The following NFATC2 variants were observed in gnomAD, a reference collection of about 807,000 sequenced individuals.
NFATC2 encodes nuclear factor of activated T-cells, cytoplasmic 2.
Under a neutral mutation model 87.3 loss-of-function variants are expected in NFATC2, and 22 were observed. The observed-to-expected ratio is 0.25, with a 90% CI of 0.18 to 0.36. The LOEUF is 0.36. NFATC2 is among the 10% of genes least tolerant of loss of function. The pLI, the probability that NFATC2 is intolerant of heterozygous loss-of-function variation, is 1.00. For synonymous variants in NFATC2, 565 were observed against 542.2 expected, an observed-to-expected ratio of 1.04 and a Z score of -0.58; for missense variants, 1,149 against 1,259.1, an observed-to-expected ratio of 0.91 and a Z score of 1.32.
chr20:51,499,751 A>AAAAGAAAG (rs1225915429), intron 3 of NFATC2, among the ~76,000 whole-genome samples: 1 of 151,452 alleles, frequency 6.6e-6, no homozygotes, highest in African/African-American at 2.4e-5. Context: ...TAAAAAAAAA[A>AAAAGAAAG]AAAGAAAGAA....
intron 3 of NFATC2, among the ~76,000 whole-genome samples, chr20:51,485,708 C>T (rs954526331): frequency 5.3e-5 from 8 of 152,104 alleles, no homozygotes; most frequent in Admixed American, 3.9e-4. Context: ...CTTTACATCT[C>T]CAGGCCTCAG....
chr20:51,559,601 G>A (rs987265566), intron 1 of NFATC2, among the ~76,000 whole-genome samples: 10 of 152,308 alleles, frequency 6.6e-5, no homozygotes, highest in African/African-American at 2.4e-4. Flanking sequence ...GACCATGATT[G>A]CAGTACTTAT....
Position 51,527,879 on chromosome 20 carries a change from T to C in NFATC2, c.131-3769A>G, listed in dbSNP as rs189341283. ...CGTTTGGGAGACAGAGGTAGGAAGA[T>C]TGCTTGAGGTCAGGAGTTTAAGACC... is the stretch of plus-strand genomic sequence containing the variant. On this transcript the variant is annotated intron_variant, in intron 1 of 10. Coordinates refer to ENST00000371564, the MANE Select transcript of NFATC2 (RefSeq NM_012340.5). Among the ~76,000 whole-genome samples the C allele has an allele frequency of 1.9e-3, 285 of 152,074 alleles. 2 individuals carry two copies. The highest frequency in any genetic ancestry group is 3.8e-4 in the Non-Finnish European group (26 of 67,992).
intron 3 of NFATC2, among the ~76,000 whole-genome samples, chr20:51,504,841 C>T (rs1053555921): frequency 6.6e-6 from 1 of 151,996 alleles, no homozygotes; most frequent in Admixed American, 6.6e-5. Context: ...CCCCTGCAGT[C>T]TTCAAAATAA....
chr20:51,505,601 G>A (rs1007933058), intron 3 of NFATC2, among the ~76,000 whole-genome samples: 1 of 152,102 alleles, frequency 6.6e-6, no homozygotes, highest in Non-Finnish European at 1.5e-5. Context: ...GTGGACTTGA[G>A]AACCACACCG....
intron 9 of NFATC2, among the ~76,000 whole-genome samples, chr20:51,408,515 A>ATT (rs1457309627): frequency 1.9e-4 from 28 of 144,432 alleles, no homozygotes; most frequent in African/African-American, 6.7e-4. Context: ...CTCTTTTTAA[A>ATT]AAAAAAAAAA....
Position 51,403,867 on chromosome 20 carries a change from TTGTTA to T in NFATC2, c.2723-5142_2723-5138del, listed in dbSNP as rs534371087. Among the ~76,000 whole-genome samples, 826 of 152,278 alleles carry T rather than the reference TTGTTA, an allele frequency of 5.4e-3. 7 individuals carry two copies. Among genetic ancestry groups the T allele is most frequent in the African/African-American group, 0.018 (759 of 41,544 alleles). On this transcript the variant is annotated intron_variant, in intron 9 of 10. Coordinates refer to ENST00000371564, the MANE Select transcript of NFATC2 (RefSeq NM_012340.5). Reference sequence around the variant, plus strand: ...TTTAAGCCACTAAGTCTATGATATTTTGTTATGTGGCCCGAGCTGACTGACACAGT... The same window carrying T: ...TTTAAGCCACTAAGTCTATGATATTTTGTGGCCCGAGCTGACTGACACAGT...
At chr20:51,498,241 C>T (rs1198942299) in intron 3 of NFATC2, among the ~76,000 whole-genome samples, 2 of 152,242 alleles carry the variant, frequency 1.3e-5, no homozygotes, top group South Asian at 2.1e-4. Flanking sequence ...ACCCAGACTC[C>T]CAGGGCACTG....
chr20:51,502,688 AC>A (rs1245357663), intron 3 of NFATC2, among the ~76,000 whole-genome samples: 1 of 152,184 alleles, frequency 6.6e-6, no homozygotes, highest in East Asian at 1.9e-4. Flanking sequence ...TAGATACATG[AC>A]AAGGCAAGTG....
chr20:51,397,846 T>TTAGAATATGGAGAAGATTA (rs1987416904), intron 10 of NFATC2, among the ~76,000 whole-genome samples: 2 of 152,128 alleles, frequency 1.3e-5, no homozygotes, highest in Admixed American at 1.3e-4. Flanking sequence ...TTTATTCCGA[T>TTAGAATATGGAGAAGATTA]TAGAATATGG....
At chr20:51,468,782 G>T (rs1009701616) in intron 5 of NFATC2, among the ~76,000 whole-genome samples, 1 of 152,226 alleles carries the variant, frequency 6.6e-6, no homozygotes, top group Non-Finnish European at 1.5e-5. Flanking sequence ...GAGCACAAAG[G>T]GGGGCACCCC....
chr20:51,557,342 G>A (rs943649704), intron 1 of NFATC2, among the ~76,000 whole-genome samples: 4 of 152,132 alleles, frequency 2.6e-5, no homozygotes, highest in African/African-American at 4.8e-5. Flanking sequence ...TCCACCACTC[G>A]CTAGGGCTGC....
chr20:51,437,312 G>C (rs1983732024), intron 6 of NFATC2, among the ~76,000 whole-genome samples: 1 of 152,168 alleles, frequency 6.6e-6, no homozygotes, highest in Non-Finnish European at 1.5e-5. Flanking sequence ...TGAGCATTTG[G>C]AAACTGCTGA....
At chr20:51,461,403 A>T (rs957257560) in intron 5 of NFATC2, among the ~76,000 whole-genome samples, 2 of 152,208 alleles carry the variant, frequency 1.3e-5, no homozygotes, top group African/African-American at 2.4e-5. Context: ...CCTGCGGGTG[A>T]AGTCTTGACC....
rs1234480027 is a variant in NFATC2, at chr20:51,387,584, ATGC to A, written c.*3909_*3911del. ...ATGTTTATGATCACAATTTTATAGG[ATGC>A]TGCTTTTTCTTAAGCATTTAATTGG... is the stretch of plus-strand genomic sequence containing the variant. On this transcript the variant is annotated 3_prime_UTR_variant, in exon 11 of 11. Coordinates refer to ENST00000371564, the MANE Select transcript of NFATC2 (RefSeq NM_012340.5). The A allele has an allele frequency of 6.6e-6, 1 of 152,188 alleles. No homozygotes were observed. Among genetic ancestry groups the A allele is most frequent in the African/African-American group, 2.4e-5 (1 of 41,434 alleles). The allele number at this position is 152,188 out of a possible 1,614,324, so 9.4% of individuals were successfully genotyped here. A position where few individuals can be genotyped will look rare whatever the true frequency, so the allele number is the denominator to read the frequency against.
rs552956536 is a variant in NFATC2, at chr20:51,399,026, G to A, written c.2723-296C>T. 21 of 278,586 alleles carry A rather than the reference G, an allele frequency of 7.5e-5. No homozygotes were observed. The East Asian group carries it at 1.2e-3, about 16-fold the overall frequency. The allele number at this position is 278,586 out of a possible 1,614,324, so 17.3% of individuals were successfully genotyped here. ...AAGGGCTGCTGTGGGTATGTGATGG[G>A]GTTTCAAATCATGGCCAACTACAAA... On this transcript the variant is annotated intron_variant, in intron 9 of 10. Transcript: ENST00000371564.
intron 3 of NFATC2, among the ~76,000 whole-genome samples, chr20:51,502,181 G>A (rs1055364408): frequency 6.6e-6 from 1 of 152,170 alleles, no homozygotes; most frequent in African/African-American, 2.4e-5. Flanking sequence ...ACAATGCCTG[G>A]TATGTGGTAG....
rs1276967358 is a variant in NFATC2, at chr20:51,391,099, T to C, written c.*397A>G. ...CTCTGTTCTCAGGAGAGTTCCAGTG[T>C]CCTGTCTCATGTAGAATGTGCTTTT... On this transcript the variant is annotated 3_prime_UTR_variant, in exon 11 of 11. Transcript: ENST00000371564. 2 of 533,636 alleles carry C rather than the reference T, an allele frequency of 3.7e-6. No homozygotes were observed. Among genetic ancestry groups the C allele is most frequent in the Non-Finnish European group, 7.0e-6 (2 of 284,236 alleles). The allele number at this position is 533,636 out of a possible 1,614,324, so 33.1% of individuals were successfully genotyped here.
intron 3 of NFATC2, among the ~76,000 whole-genome samples, chr20:51,513,503 A>G (rs2076304287): frequency 6.6e-6 from 1 of 152,192 alleles, no homozygotes. Flanking sequence ...AAATAAACAA[A>G]CAAACAAAGT....
Sources: allele counts gnomAD v4.1 joint callset (sites outside exome capture counted in the v4.1 genomes callset), GRCh38; gene constraint gnomAD v4.1.1; transcripts MANE v1.5; gene names NCBI Gene and HGNC (gene_info 2026-07-23, HGNC 2026-07-21).